ZDHHC14: variants seen among roughly 807,000 people sequenced by gnomAD.
ZDHHC14 encodes the protein palmitoyltransferase ZDHHC14.
ZDHHC14 carries 16 observed loss-of-function variants against 47.7 expected under a neutral mutation model. The observed-to-expected ratio is 0.34, with a 90% confidence interval of 0.23 to 0.51. The LOEUF (loss-of-function observed/expected upper bound fraction) is 0.51, where lower values mean the gene tolerates loss of function less well. ZDHHC14 is among the 20% of genes least tolerant of loss of function. The pLI, the probability that ZDHHC14 is intolerant of heterozygous loss-of-function variation, is 0.97. For synonymous variants in ZDHHC14, 293 were observed against 278.9 expected (o/e 1.05, Z -0.50); for missense variants, 515 against 662.5 (o/e 0.78, Z 2.44).
chr6:157,453,788 T>TTGTG (rs371025248), intron 1 of ZDHHC14, among the ~76,000 whole-genome samples: 10,157 of 148,130 alleles, frequency 0.069, 424 homozygotes, highest in Non-Finnish European at 0.096. Context: ...TTTTTGTGTT[T>TTGTG]TGTGTGTGTG....
At chr6:157,583,908 G>A (rs748942391) in intron 2 of ZDHHC14, among the ~76,000 whole-genome samples, 2 of 149,296 alleles carry the variant, frequency 1.3e-5, no homozygotes, top group Non-Finnish European at 3.0e-5. Context: ...CAATCATTGC[G>A]ATTGGCCTGG....
chr6:157,599,775 A>G lies in ZDHHC14; in HGVS notation c.565+6629A>G, dbSNP rs76756950. ...CAGCAACCAATAGGTTGCCAAATCTAATTCTTTGGAGAACAACCAACCAAG... is the reference window on the plus strand; with the variant it reads ...CAGCAACCAATAGGTTGCCAAATCTGATTCTTTGGAGAACAACCAACCAAG... On this transcript the variant is annotated intron_variant, in intron 3 of 8. Transcript: ENST00000359775. 6.0e-4 allele frequency among the ~76,000 whole-genome samples: 91 copies of G among 152,384 alleles called. 3 individuals are homozygous for G. In the East Asian group the frequency reaches 0.016, roughly 26 times the overall value.
intron 1 of ZDHHC14, among the ~76,000 whole-genome samples, chr6:157,456,375 A>G (rs1357507356): frequency 1.1e-4 from 17 of 152,198 alleles, no homozygotes; most frequent in Admixed American, 1.1e-3. Context: ...TGCCAAAGCA[A>G]TGGGTAGAGA....
chr6:157,436,846 G>T (rs1778449296), intron 1 of ZDHHC14, among the ~76,000 whole-genome samples: 1 of 152,166 alleles, frequency 6.6e-6, no homozygotes. Flanking sequence ...AGGCCCAGAT[G>T]CTGGAGGGAG....
chr6:157,402,698 T>C (rs1321168611), intron 1 of ZDHHC14, among the ~76,000 whole-genome samples: 1 of 152,310 alleles, frequency 6.6e-6, no homozygotes, highest in East Asian at 1.9e-4. Context: ...CATTTGAAGA[T>C]ATTAATATTC....
chr6:157,489,541 T>G (rs1231537053), intron 1 of ZDHHC14, among the ~76,000 whole-genome samples: 3 of 151,012 alleles, frequency 2.0e-5, no homozygotes, highest in African/African-American at 7.3e-5. Flanking sequence ...GTTGAGGCAC[T>G]GGGTGTAGGT....
rs1409083417 is a variant in ZDHHC14, at chr6:157,537,001, G to A, written c.246-5584G>A. ...GCCCGGCTAATTTTTTGTATTTTTA[G>A]TAGAGACGGGGTTTCACCGTTTTAG... On this transcript the variant is annotated intron_variant, in intron 1 of 8. Transcript: ENST00000359775. Among the ~76,000 whole-genome samples, 46 of 95,850 alleles carry A rather than the reference G, an allele frequency of 4.8e-4. 12 individuals carry two copies. Among genetic ancestry groups the A allele is most frequent in the Middle Eastern group, 4.6e-3 (1 of 216 alleles). The allele number at this position is 95,850 out of a possible 152,430, so 62.9% of individuals were successfully genotyped here.
chr6:157,550,862 C>T (rs369008281), intron 2 of ZDHHC14, among the ~76,000 whole-genome samples: 1 of 152,194 alleles, frequency 6.6e-6, no homozygotes, highest in Non-Finnish European at 1.5e-5. Context: ...TGATGGCGTA[C>T]AGCAATGTTG....
At chr6:157,630,327 G>A (rs1240908173) in intron 4 of ZDHHC14, 2 of 152,092 alleles carry the variant, frequency 1.3e-5, no homozygotes, top group Non-Finnish European at 2.9e-5. Flanking sequence ...AGATGCTTTT[G>A]TGTGTATTAT....
At chr6:157,421,492 CAAAAAA>C (rs147380621) in intron 1 of ZDHHC14, among the ~76,000 whole-genome samples, 1 of 56,706 alleles carries the variant, frequency 1.8e-5, no homozygotes. Flanking sequence ...GACTCCGTCT[CAAAAAA>C]AAAAAAAAAA....
At chr6:157,450,807 C>T (rs956200488) in intron 1 of ZDHHC14, among the ~76,000 whole-genome samples, 1 of 152,120 alleles carries the variant, frequency 6.6e-6, no homozygotes, top group African/African-American at 2.4e-5. Context: ...CCTGGGCTTC[C>T]CATAAATATT....
At chr6:157,500,752 G>T (rs9457617) in intron 1 of ZDHHC14, among the ~76,000 whole-genome samples, 147 of 152,338 alleles carry the variant, frequency 9.6e-4, no homozygotes, top group African/African-American at 3.4e-3. Context: ...TTTCATGAAA[G>T]TGAAGGATGG....
intron 7 of ZDHHC14, among the ~76,000 whole-genome samples, chr6:157,651,309 A>G (rs2114989436): frequency 6.6e-6 from 1 of 152,328 alleles, no homozygotes; most frequent in South Asian, 2.1e-4. Context: ...CATATGCTTC[A>G]TCGCAGGGTA....
At chr6:157,425,398 A>T (rs1778195160) in intron 1 of ZDHHC14, among the ~76,000 whole-genome samples, 1 of 152,214 alleles carries the variant, frequency 6.6e-6, no homozygotes, top group Non-Finnish European at 1.5e-5. Flanking sequence ...GGCATATCAT[A>T]TGCAAATAGT....
rs546505741 is a variant in ZDHHC14 at position 157,581,222 on chromosome 6, C to T, written c.407-11766C>T. Reference sequence around the variant, plus strand: ...ACAGGTGTTTAATTTTCAATGTAATCGTATCGTTTTGAGCAATTTTTTTAG... The same window carrying T: ...ACAGGTGTTTAATTTTCAATGTAATTGTATCGTTTTGAGCAATTTTTTTAG... On this transcript the variant is annotated intron_variant, in intron 2 of 8. Transcript: ENST00000359775. Among the ~76,000 whole-genome samples the T allele has an allele frequency of 2.2e-4, 33 of 151,094 alleles. No homozygotes were observed. The South Asian group carries it at 6.3e-3, about 29-fold the overall frequency.
chr6:157,468,057 T>C (rs1177686224), intron 1 of ZDHHC14, among the ~76,000 whole-genome samples: 1 of 152,174 alleles, frequency 6.6e-6, no homozygotes, highest in Non-Finnish European at 1.5e-5. Context: ...GTTGTCAACA[T>C]TCCAAAAAGT....
chr6:157,657,413 A>G (rs962294942), intron 8 of ZDHHC14, among the ~76,000 whole-genome samples: 4 of 152,088 alleles, frequency 2.6e-5, no homozygotes, highest in Non-Finnish European at 2.9e-5. Context: ...GCTTGAAAGC[A>G]CTGTTGGGTA....
intron 1 of ZDHHC14, among the ~76,000 whole-genome samples, chr6:157,505,699 GTTTGT>G (rs974125576): frequency 6.6e-6 from 1 of 151,772 alleles, no homozygotes; most frequent in African/African-American, 2.4e-5. Flanking sequence ...TTGGCGAAAT[GTTTGT>G]TCATGGATAG....
intron 1 of ZDHHC14, among the ~76,000 whole-genome samples, chr6:157,400,041 A>G (rs779411985): frequency 6.6e-5 from 10 of 152,374 alleles, no homozygotes; most frequent in Non-Finnish European, 7.3e-5. Context: ...ACTGAAATAC[A>G]TTGTGAACCA....
Sources: allele counts gnomAD v4.1 joint callset (sites outside exome capture counted in the v4.1 genomes callset), GRCh38; gene constraint gnomAD v4.1.1; transcripts MANE v1.5; gene names NCBI Gene and HGNC (gene_info 2026-07-23, HGNC 2026-07-21).